Variants in ADARB2 observed in about 807,000 individuals in gnomAD.
ADARB2 encodes adenosine deaminase RNA specific B2 (inactive).
ADARB2 carries 25 observed loss-of-function variants against 62.2 expected under a neutral mutation model. The observed-to-expected ratio is 0.40, with a 90% CI of 0.29 to 0.56. The LOEUF is 0.56. Among genes scored for constraint, ADARB2 ranks in the 20% least tolerant of loss-of-function variants. The pLI, the probability that ADARB2 is intolerant of heterozygous loss-of-function variation, is 0.43. For missense variants in ADARB2, 1,071 were observed against 1,077.4 expected, an observed-to-expected ratio of 0.99 and a Z score of 0.08; for synonymous variants, 572 against 500.8, an observed-to-expected ratio of 1.14 and a Z score of -1.90.
Position 1,206,669 on chromosome 10 carries a change from C to A in ADARB2, c.1683-6522G>T, listed in dbSNP as rs548004254. 2.6e-5 allele frequency among the ~76,000 whole-genome samples: 4 copies of A among 152,322 alleles called. No individual in the cohort carries two copies. In the East Asian group the frequency reaches 7.7e-4, roughly 29 times the overall value. On this transcript the variant is annotated intron_variant, in intron 7 of 9. Transcript: ENST00000381312. ...GAAGATGGCGCCCATGAGATGACGC[C>A]TTGTGACTCAGGTACCTCAGCCCTG...
intron 1 of ADARB2, among the ~76,000 whole-genome samples, chr10:1,570,787 G>A (rs1175784836): frequency 2.0e-5 from 3 of 152,154 alleles, no homozygotes; most frequent in Non-Finnish European, 4.4e-5. Flanking sequence ...AACCCACAGG[G>A]ACAGGGGGGC....
intron 1 of ADARB2, among the ~76,000 whole-genome samples, chr10:1,410,225 G>A (rs1360527450): frequency 2.7e-5 from 4 of 148,996 alleles, no homozygotes; most frequent in Admixed American, 6.6e-5. Context: ...GGGCCTGGCC[G>A]TGGTCATGGG....
At chr10:1,365,330 T>A (rs1280809698) in intron 2 of ADARB2, among the ~76,000 whole-genome samples, 1 of 152,076 alleles carries the variant, frequency 6.6e-6, no homozygotes, top group Admixed American at 6.5e-5. Context: ...TTGTGAGTGT[T>A]CCCACCGCTC....
rs375966396 is a variant in ADARB2, at chr10:1,425,673, C to T, written c.101-46513G>A. On this transcript the variant is annotated intron_variant, in intron 1 of 9. Coordinates refer to ENST00000381312, the MANE Select transcript of ADARB2 (RefSeq NM_018702.4). ...ATCTACAGCCTCTCAAGTTGCCAAC[C>T]CATAAAAACCAGCTGTGCTCCTGGC... Among the ~76,000 whole-genome samples, 13 of 152,338 alleles carry T rather than the reference C, an allele frequency of 8.5e-5. 1 individual carries two copies. The highest frequency in any genetic ancestry group is 3.1e-4 in the African/African-American group (13 of 41,582).
chr10:1,308,656 G>T lies in ADARB2; in HGVS notation c.1078-37587C>A, dbSNP rs561615170. ...TTCCTGTTGCTCCACACCCTCACTG[G>T]CATTTGGTGGTGTCAGTGTTCTGGG... is the stretch of plus-strand genomic sequence containing the variant. On this transcript the variant is annotated intron_variant, in intron 3 of 9. Transcript: ENST00000381312. Among the ~76,000 whole-genome samples, 7 of 152,264 alleles carry T rather than the reference G, an allele frequency of 4.6e-5. No individual in the cohort carries two copies. The East Asian group carries it at 1.4e-3, about 29-fold the overall frequency.
intron 2 of ADARB2, among the ~76,000 whole-genome samples, chr10:1,370,376 C>T (rs925848685): frequency 6.6e-6 from 1 of 152,242 alleles, no homozygotes; most frequent in Non-Finnish European, 1.5e-5. Context: ...GAAAGCATTT[C>T]CCTAAGGACT....
intron 1 of ADARB2, among the ~76,000 whole-genome samples, chr10:1,492,705 AGT>A (rs1293123878): frequency 1.3e-5 from 2 of 152,046 alleles, no homozygotes; most frequent in Non-Finnish European, 2.9e-5. Flanking sequence ...CAAGTCAGGG[AGT>A]GTCCCGGGTG....
intron 7 of ADARB2, chr10:1,216,132 A>T (rs528013169): frequency 7.0e-6 from 1 of 142,442 alleles, no homozygotes; most frequent in South Asian, 2.3e-4. Flanking sequence ...GGTTGGGGGA[A>T]GTCTCAGGGC....
intron 1 of ADARB2, among the ~76,000 whole-genome samples, chr10:1,414,809 C>A (rs1338739499): frequency 6.6e-6 from 1 of 152,138 alleles, no homozygotes; most frequent in Non-Finnish European, 1.5e-5. Context: ...ATCACCCCAA[C>A]ACAGATGGAC....
At chr10:1,463,208 G>A (rs1184562798) in intron 1 of ADARB2, among the ~76,000 whole-genome samples, 1 of 152,198 alleles carries the variant, frequency 6.6e-6, no homozygotes, top group East Asian at 1.9e-4. Flanking sequence ...TGGGTGGTGT[G>A]TGGGGGCAGA....
rs184860990 is a variant in ADARB2, at chr10:1,498,003, C to G, written c.101-118843G>C. 3.4e-3 allele frequency among the ~76,000 whole-genome samples: 510 copies of G among 152,108 alleles called. 2 individuals are homozygous for G. Among genetic ancestry groups the G allele is most frequent in the African/African-American group, 7.4e-3 (305 of 41,482 alleles). On this transcript the variant is annotated intron_variant, in intron 1 of 9. Transcript: ENST00000381312. ...CAAAGATAAAAAAATCTCATTAAAT[C>G]AAATATTTGTGTGTATATGGAAAAG...
chr10:1,218,641 T>C (rs1048248511), intron 6 of ADARB2, among the ~76,000 whole-genome samples: 2 of 152,078 alleles, frequency 1.3e-5, no homozygotes, highest in African/African-American at 2.4e-5. Context: ...TGGAATTTGG[T>C]GGGAGATGAC....
chr10:1,566,086 A>C lies in ADARB2; in HGVS notation c.100+170965T>G, dbSNP rs1306147538. ...AGCAAAAAAAAAAAAAAAAAAAAAA[A>C]AAAAAAAAAAAAAAAAAAAAAAAAC... On this transcript the variant is annotated intron_variant, in intron 1 of 9. Coordinates refer to ENST00000381312, the MANE Select transcript of ADARB2 (RefSeq NM_018702.4). 1.5e-3 allele frequency among the ~76,000 whole-genome samples: 221 copies of C among 143,334 alleles called. 10 individuals carry two copies. Among genetic ancestry groups the C allele is most frequent in the African/African-American group, 5.6e-3 (201 of 36,044 alleles). 94.0% of individuals were successfully genotyped at this position (143,334 alleles called of 152,430 possible).
At chr10:1,229,328 C>G (rs969895425) in intron 6 of ADARB2, among the ~76,000 whole-genome samples, 1 of 152,110 alleles carries the variant, frequency 6.6e-6, no homozygotes, top group Non-Finnish European at 1.5e-5. Flanking sequence ...GCCTGGGCCT[C>G]GGGTGGCTGG....
At chr10:1,557,709 G>A (rs921450583) in intron 1 of ADARB2, among the ~76,000 whole-genome samples, 5 of 152,132 alleles carry the variant, frequency 3.3e-5, no homozygotes, top group Non-Finnish European at 4.4e-5. Context: ...TTCGAGACCA[G>A]CCTGACCAAC....
chr10:1,374,724 G>A (rs978717483), intron 2 of ADARB2, among the ~76,000 whole-genome samples: 3 of 152,200 alleles, frequency 2.0e-5, no homozygotes, highest in Non-Finnish European at 4.4e-5. Context: ...CTTCCCCTGT[G>A]CGGTATCATT....
chr10:1,538,549 G>A (rs1213629546), intron 1 of ADARB2, among the ~76,000 whole-genome samples: 2 of 152,194 alleles, frequency 1.3e-5, no homozygotes, highest in Non-Finnish European at 2.9e-5. Flanking sequence ...CATGCTGGAC[G>A]CACACCTGAC....
intron 3 of ADARB2, 122 bp downstream of exon 3, chr10:1,362,906 C>T (rs1832273204): frequency 3.1e-6 from 3 of 970,516 alleles, no homozygotes; most frequent in African/African-American, 1.7e-5. Flanking sequence ...TCTTTCCCCT[C>T]CCGCTCCACG....
intron 3 of ADARB2, among the ~76,000 whole-genome samples, chr10:1,335,893 T>C (rs938890403): frequency 1.3e-5 from 2 of 152,224 alleles, no homozygotes; most frequent in African/African-American, 2.4e-5. Flanking sequence ...AATCCCCGTG[T>C]CTTCACACTG....
Sources: allele counts gnomAD v4.1 joint callset (sites outside exome capture counted in the v4.1 genomes callset), GRCh38; gene constraint gnomAD v4.1.1; transcripts MANE v1.5; gene names NCBI Gene and HGNC (gene_info 2026-07-23, HGNC 2026-07-21).